The following RYR2 variants were observed in gnomAD, a reference collection of about 807,000 sequenced individuals.
RYR2 encodes the protein ryanodine receptor 2.
RYR2 carries 227 observed loss-of-function variants against 601.1 expected under a neutral mutation model. The ratio of observed to expected loss-of-function variants is 0.38; its 90% CI spans 0.34 to 0.42. The LOEUF (loss-of-function observed/expected upper bound fraction) is 0.42. Among genes scored for constraint, RYR2 ranks in the 10% least tolerant of loss-of-function variants. The pLI, the probability that RYR2 is intolerant of heterozygous loss-of-function variation, is 1.00. For missense variants in RYR2, 4,646 were observed against 6,156.5 expected (o/e 0.75, Z 8.21); for synonymous variants, 2,223 against 2,175.1 (o/e 1.02, Z -0.61).
intron 2 of RYR2, among the ~76,000 whole-genome samples, chr1:237,329,004 G>C (rs1165803683): frequency 6.6e-6 from 1 of 152,004 alleles, no homozygotes; most frequent in Non-Finnish European, 1.5e-5. Flanking sequence ...CTGCATACTG[G>C]ATCCTGCTTG....
chr1:237,579,018 A>AG (rs36088208), intron 29 of RYR2, among the ~76,000 whole-genome samples: 1 of 136,614 alleles, frequency 7.3e-6, no homozygotes. Context: ...ATCAGCTTAG[A>AG]GGGAAAAAAA....
chr1:237,502,836 A>G (rs1042956689), intron 21 of RYR2, among the ~76,000 whole-genome samples: 2 of 151,466 alleles, frequency 1.3e-5, no homozygotes, highest in African/African-American at 4.9e-5. Flanking sequence ...AAGAATCTAA[A>G]AAAAAAAAAA....
intron 88 of RYR2, among the ~76,000 whole-genome samples, chr1:237,781,042 C>T (rs16835792): frequency 0.11 from 17,441 of 151,716 alleles, 1,359 homozygotes; most frequent in African/African-American, 0.23. Flanking sequence ...TGTTCATTGT[C>T]GGTACAAATA....
intron 1 of RYR2, among the ~76,000 whole-genome samples, chr1:237,163,221 G>T (rs1402346563): frequency 1.3e-5 from 2 of 152,130 alleles, no homozygotes; most frequent in African/African-American, 4.8e-5. Flanking sequence ...TACATGCAGT[G>T]TTAACCAGCA....
chr1:237,488,151 G>T (rs1558903958), intron 17 of RYR2, among the ~76,000 whole-genome samples: 1 of 152,066 alleles, frequency 6.6e-6, no homozygotes, highest in Middle Eastern at 3.4e-3. Flanking sequence ...AAATTTATTG[G>T]TCTTCGTCTT....
intron 1 of RYR2, among the ~76,000 whole-genome samples, chr1:237,079,744 G>C (rs1437231176): frequency 3.5e-5 from 5 of 142,636 alleles, no homozygotes; most frequent in Admixed American, 2.1e-4. Flanking sequence ...CATCAAGCTA[G>C]CAATGCCTTT....
chr1:237,678,052 T>C lies in RYR2; in HGVS notation c.8835T>C (p.Gly2945=). The part of the protein sequence containing the change: ...EAHQYILEFD[G]GSRGKGEHFP... ...AAAAACTCTTCAAATCTACAGATGG[T>C]GGCAGCAGAGGCAAAGGAGAACATT... is the stretch of plus-strand genomic sequence containing the variant. Residue 2945 remains glycine (G), a synonymous_variant, in exon 61 of 105, where the codon GGT becomes GGC. Coordinates refer to ENST00000366574, the MANE Select transcript of RYR2 (RefSeq NM_001035.3). The C allele has an allele frequency of 6.3e-7, 1 of 1,598,036 alleles. No homozygotes were observed. Among genetic ancestry groups the C allele is most frequent in the Non-Finnish European group, 8.6e-7 (1 of 1,166,736 alleles).
chr1:237,131,888 T>C (rs1345269810), intron 1 of RYR2, among the ~76,000 whole-genome samples: 1 of 151,974 alleles, frequency 6.6e-6, no homozygotes, highest in Non-Finnish European at 1.5e-5. Flanking sequence ...GTTTGGCTGA[T>C]TTTTAAAAAA....
At chr1:237,359,520 A>G (rs1207887856) in intron 4 of RYR2, among the ~76,000 whole-genome samples, 1 of 152,084 alleles carries the variant, frequency 6.6e-6, no homozygotes, top group Admixed American at 6.5e-5. Flanking sequence ...GACCTTTGGG[A>G]GCCTTACAAA....
At chr1:237,348,190 T>C (rs1698464023) in intron 3 of RYR2, among the ~76,000 whole-genome samples, 1 of 152,164 alleles carries the variant, frequency 6.6e-6, no homozygotes, top group Admixed American at 6.5e-5. Context: ...AGGGTCTCAT[T>C]GTCCAGGCTG....
chr1:237,471,895 T>G (rs759101471), intron 17 of RYR2, among the ~76,000 whole-genome samples: 3 of 152,274 alleles, frequency 2.0e-5, no homozygotes, highest in South Asian at 4.1e-4. Context: ...ATTCTTACTT[T>G]AGAGGAAAAG....
In RYR2 at chr1:237,566,738, G is replaced by A; in HGVS notation, c.3386G>A (p.Gly1129Asp). 1.2e-6 allele frequency: 2 copies of A among 1,613,932 alleles called. No homozygotes were observed. Among genetic ancestry groups the A allele is most frequent in the Non-Finnish European group, 1.7e-6 (2 of 1,179,852 alleles). ...RPGCQPDQEL[G>D]SDERAFAFDG... ...GGTTGTCAACCGGATCAGGAGCTTG[G>A]CTCAGATGAACGTGCCTTTGCCTTT... The change falls in exon 28 of 105, where the codon GGC becomes GAC. Residue 1129 changes from glycine to aspartate, a missense_variant. Physicochemically the swap from Gly to Asp is moderately conservative, Grantham distance 94 (BLOSUM62 -1). Coordinates refer to ENST00000366574, the MANE Select transcript of RYR2 (RefSeq NM_001035.3).
intron 2 of RYR2, among the ~76,000 whole-genome samples, chr1:237,326,769 A>G (rs759962252): frequency 6.9e-4 from 105 of 152,330 alleles, no homozygotes; most frequent in African/African-American, 2.4e-3. Flanking sequence ...AATGCTTGCA[A>G]ATGGGAGCCT....
Position 237,456,754 on chromosome 1 carries a change from T to A in RYR2, c.1612+19T>A, listed in dbSNP as rs1658876781. The A allele has an allele frequency of 4.3e-6, 7 of 1,612,466 alleles. No individual in the cohort carries two copies. The highest frequency in any genetic ancestry group is 2.2e-5 in the East Asian group (1 of 44,860). ...TTGCTGGGTAAGAAGCATGATTGGG[T>A]TCATAGCAACAGAGTTATCTATTTA... On this transcript the variant is annotated intron_variant, in intron 16 of 104. Transcript: ENST00000366574.
At chr1:237,381,821 CAGAT>C (rs2149813351) in intron 8 of RYR2, among the ~76,000 whole-genome samples, 1 of 152,252 alleles carries the variant, frequency 6.6e-6, no homozygotes, top group African/African-American at 2.4e-5. Flanking sequence ...ACGCCTCACC[CAGAT>C]AATGTCTTTT....
chr1:237,378,236 C>T (rs1469112940), intron 8 of RYR2, among the ~76,000 whole-genome samples: 2 of 152,184 alleles, frequency 1.3e-5, no homozygotes, highest in African/African-American at 4.8e-5. Context: ...CCCACCGGGT[C>T]CCTCCCACAA....
At chr1:237,822,692 A>G (rs1173926871) in intron 101 of RYR2, among the ~76,000 whole-genome samples, 1 of 152,242 alleles carries the variant, frequency 6.6e-6, no homozygotes, top group Non-Finnish European at 1.5e-5. Flanking sequence ...TTAACCTTAA[A>G]TGTAAACAGG....
chr1:237,391,184 T>A (rs1702350496), intron 10 of RYR2, among the ~76,000 whole-genome samples: 1 of 152,118 alleles, frequency 6.6e-6, no homozygotes, highest in South Asian at 2.1e-4. Context: ...TTTCCCTAGG[T>A]CATTGTAAGG....
rs1187362255 is a variant in RYR2 at position 237,491,870 on chromosome 1, A to G, written c.1773A>G (p.Glu591=). 1.2e-5 allele frequency: 18 copies of G among 1,474,616 alleles called. No individual in the cohort carries two copies. The South Asian group carries it at 2.2e-4, about 18-fold the overall frequency. The allele number at this position is 1,474,616 out of a possible 1,614,324, so 91.3% of individuals were successfully genotyped here. A position where few individuals can be genotyped will look rare whatever the true frequency, so the allele number is the denominator to read the frequency against. The change falls in exon 18 of 105, where the codon GAA becomes GAG. Residue 591 remains glutamate (E), a synonymous_variant. Transcript: ENST00000366574. ...ESPEALNIIK[E]GHIKSIISLL... ...CAGAAGCTCTAAATATTATTAAAGAAGGACATATTAAATCTATTATCTCAC... is the reference window on the plus strand; with the variant it reads ...CAGAAGCTCTAAATATTATTAAAGAGGGACATATTAAATCTATTATCTCAC...
Sources: gnomAD v4.1 joint callset for allele counts (sites outside exome capture counted in the v4.1 genomes callset) on GRCh38, gnomAD v4.1.1 for gene constraint, MANE v1.5 for transcripts, NCBI Gene and HGNC (gene_info 2026-07-23, HGNC 2026-07-21) for gene names.